ZFPM2: variants seen among roughly 807,000 people sequenced by gnomAD.
The protein encoded by ZFPM2 is zinc finger protein ZFPM2.
ZFPM2 carries 20 observed loss-of-function variants against 98.6 expected under a neutral mutation model. The ratio of observed to expected loss-of-function variants is 0.20; its 90% CI spans 0.14 to 0.29. The LOEUF (loss-of-function observed/expected upper bound fraction) is 0.29. Among genes scored for constraint, ZFPM2 ranks in the 10% least tolerant of loss-of-function variants. The pLI, the probability that ZFPM2 is intolerant of heterozygous loss-of-function variation, is 1.00. For missense variants in ZFPM2, 1,310 were observed against 1,388.6 expected, an observed-to-expected ratio of 0.94 and a Z score of 0.90; for synonymous variants, 518 against 502.7, an observed-to-expected ratio of 1.03 and a Z score of -0.41.
intron 4 of ZFPM2, among the ~76,000 whole-genome samples, chr8:105,604,625 G>A (rs1043143056): frequency 6.6e-6 from 1 of 151,936 alleles, no homozygotes; most frequent in Non-Finnish European, 1.5e-5. Context: ...AGAATTTGCT[G>A]GATTTTCATC....
chr8:105,490,217 A>G, intron 3 of ZFPM2, among the ~76,000 whole-genome samples: 1 of 152,202 alleles, frequency 6.6e-6, no homozygotes, highest in South Asian at 2.1e-4. Context: ...ACTGCACTCC[A>G]GCATGGGAGA....
At chr8:105,749,686 A>T (rs1248290726) in intron 5 of ZFPM2, among the ~76,000 whole-genome samples, 1 of 151,930 alleles carries the variant, frequency 6.6e-6, no homozygotes, top group Non-Finnish European at 1.5e-5. Flanking sequence ...GGAAGAGAGT[A>T]AGATAAAAGA....
At chr8:105,439,739 A>T (rs1299905124) in intron 2 of ZFPM2, among the ~76,000 whole-genome samples, 1 of 152,154 alleles carries the variant, frequency 6.6e-6, no homozygotes, top group Admixed American at 6.5e-5. Flanking sequence ...ATTCATAAGG[A>T]ATAAGAAAAG....
intron 5 of ZFPM2, among the ~76,000 whole-genome samples, chr8:105,774,626 G>C (rs750928635): frequency 2.6e-5 from 4 of 152,132 alleles, no homozygotes; most frequent in Non-Finnish European, 5.9e-5. Flanking sequence ...GTAAAAATAA[G>C]TAGGATATTT....
chr8:105,380,544 A>G (rs1810826415), intron 1 of ZFPM2, among the ~76,000 whole-genome samples: 1 of 132,886 alleles, frequency 7.5e-6, no homozygotes, highest in African/African-American at 2.8e-5. Flanking sequence ...TCAGCCAAAG[A>G]CATAAACATT....
intron 5 of ZFPM2, among the ~76,000 whole-genome samples, chr8:105,703,608 G>A (rs918404855): frequency 2.0e-5 from 3 of 152,162 alleles, no homozygotes; most frequent in Admixed American, 1.3e-4. Context: ...GGATGCTAGA[G>A]AAGTAAACTG....
At chr8:105,684,073 A>T (rs1810676911) in intron 5 of ZFPM2, among the ~76,000 whole-genome samples, 1 of 152,192 alleles carries the variant, frequency 6.6e-6, no homozygotes, top group Admixed American at 6.5e-5. Context: ...CCTTACAGAT[A>T]GAGAAATCAT....
intron 1 of ZFPM2, among the ~76,000 whole-genome samples, chr8:105,368,200 G>A (rs1394431800): frequency 6.8e-6 from 1 of 147,892 alleles, no homozygotes; most frequent in East Asian, 2.0e-4. Flanking sequence ...TTTTGGTTGT[G>A]TCTCTGCCCA....
At chr8:105,557,755 TAAATC>T (rs978622886) in intron 3 of ZFPM2, among the ~76,000 whole-genome samples, 2 of 152,100 alleles carry the variant, frequency 1.3e-5, no homozygotes, top group East Asian at 1.9e-4. Context: ...AAGGAATAAA[TAAATC>T]AAATAAGAAT....
At chr8:105,608,316 TAAA>T (rs1441664055) in intron 4 of ZFPM2, among the ~76,000 whole-genome samples, 2 of 152,026 alleles carry the variant, frequency 1.3e-5, no homozygotes, top group Non-Finnish European at 2.9e-5. Flanking sequence ...GAATCTAAAA[TAAA>T]AACTTTCTAA....
intron 5 of ZFPM2, among the ~76,000 whole-genome samples, chr8:105,787,939 AC>A (rs1813470252): frequency 1.3e-5 from 2 of 152,328 alleles, no homozygotes; most frequent in Non-Finnish European, 2.9e-5. Context: ...TTAATGCACA[AC>A]ATGTGATCGT....
intron 3 of ZFPM2, among the ~76,000 whole-genome samples, chr8:105,453,210 G>A (rs1033268700): frequency 3.9e-5 from 6 of 152,158 alleles, no homozygotes; most frequent in African/African-American, 1.4e-4. Flanking sequence ...CTCAGTGGTA[G>A]GCCCTAGGAT....
At chr8:105,326,177 A>C (rs532810501) in intron 1 of ZFPM2, among the ~76,000 whole-genome samples, 1 of 151,866 alleles carries the variant, frequency 6.6e-6, no homozygotes, top group African/African-American at 2.4e-5. Context: ...AAGGTGAAGG[A>C]ATAAATGCCT....
At chr8:105,566,614 A>G (rs1045327161) in intron 4 of ZFPM2, among the ~76,000 whole-genome samples, 3 of 152,156 alleles carry the variant, frequency 2.0e-5, no homozygotes, top group Admixed American at 6.6e-5. Context: ...GTATCAAGCA[A>G]CAGTGATTAC....
chr8:105,476,189 C>T (rs1422524891), intron 3 of ZFPM2, among the ~76,000 whole-genome samples: 3 of 152,280 alleles, frequency 2.0e-5, no homozygotes, highest in South Asian at 2.1e-4. Flanking sequence ...ATTACTCTCC[C>T]GTAGTCCACT....
At chr8:105,355,894 T>C (rs549963097) in intron 1 of ZFPM2, among the ~76,000 whole-genome samples, 1 of 152,338 alleles carries the variant, frequency 6.6e-6, no homozygotes, top group Admixed American at 6.5e-5. Flanking sequence ...CATGTAGATG[T>C]CATCAGATTT....
At chr8:105,357,433 A>T (rs79504513) in intron 1 of ZFPM2, among the ~76,000 whole-genome samples, 3,461 of 152,272 alleles carry the variant, frequency 0.023, 121 homozygotes, top group African/African-American at 0.079. Flanking sequence ...TTTTGCTTTT[A>T]TGTAAACCTT....
chr8:105,622,274 A>G (rs1273979551), intron 4 of ZFPM2, among the ~76,000 whole-genome samples: 1 of 152,154 alleles, frequency 6.6e-6, no homozygotes, highest in African/African-American at 2.4e-5. Flanking sequence ...ATTATTTACA[A>G]ATCCTTTCCA....
At chr8:105,611,614 T>C (rs1248981921) in intron 4 of ZFPM2, among the ~76,000 whole-genome samples, 1 of 151,732 alleles carries the variant, frequency 6.6e-6, no homozygotes, top group Non-Finnish European at 1.5e-5. Flanking sequence ...GGCTGAAGAG[T>C]ACAAAACACA....
Sources: allele counts gnomAD v4.1 joint callset (sites outside exome capture counted in the v4.1 genomes callset), GRCh38; gene constraint gnomAD v4.1.1; transcripts MANE v1.5; gene names NCBI Gene and HGNC (gene_info 2026-07-23, HGNC 2026-07-21).